Variants in PTPRK observed in about 807,000 individuals in gnomAD.
The protein encoded by PTPRK is protein tyrosine phosphatase receptor type K.
PTPRK carries 75 observed loss-of-function variants against 178.0 expected under a neutral mutation model. That is an observed-to-expected ratio of 0.42 (90% CI 0.35 to 0.51). PTPRK has a LOEUF of 0.51. Ranked by LOEUF, PTPRK falls within the 20% of genes least tolerant of loss-of-function variation. The pLI is 0.02. For missense variants in PTPRK, 1,441 were observed against 1,797.8 expected (o/e 0.80, Z 3.59); for synonymous variants, 637 against 620.6 (o/e 1.03, Z -0.39).
chr6:128,079,518 T>G (rs908174327), intron 10 of PTPRK, among the ~76,000 whole-genome samples: 2 of 152,070 alleles, frequency 1.3e-5, no homozygotes, highest in African/African-American at 4.8e-5. Context: ...AATTTATAAT[T>G]TTTTTAAATA....
At chr6:128,277,260 T>C (rs1280658685) in intron 3 of PTPRK, among the ~76,000 whole-genome samples, 1 of 152,188 alleles carries the variant, frequency 6.6e-6, no homozygotes, top group Admixed American at 6.6e-5. Context: ...CCAAGGTAAT[T>C]TGCAGAACGG....
chr6:128,399,178 G>A (rs1840712123), intron 1 of PTPRK, among the ~76,000 whole-genome samples: 1 of 152,112 alleles, frequency 6.6e-6, no homozygotes, highest in African/African-American at 2.4e-5. Context: ...AAACTCCAGT[G>A]CTGTAAATTC....
chr6:128,308,294 G>C (rs186312578), intron 3 of PTPRK, among the ~76,000 whole-genome samples: 1 of 151,904 alleles, frequency 6.6e-6, no homozygotes, highest in African/African-American at 2.4e-5. Flanking sequence ...AGGATAGAAG[G>C]AAAGTGATTA....
intron 1 of PTPRK, among the ~76,000 whole-genome samples, chr6:128,406,424 G>C (rs1479525769): frequency 1.3e-5 from 2 of 152,092 alleles, no homozygotes; most frequent in African/African-American, 4.8e-5. Context: ...ACTAAAGAAT[G>C]ATGGTTTTTT....
chr6:128,393,882 C>G (rs1839948802), intron 2 of PTPRK, among the ~76,000 whole-genome samples: 2 of 152,150 alleles, frequency 1.3e-5, no homozygotes, highest in Non-Finnish European at 2.9e-5. Context: ...CACAACTCAT[C>G]ATTGCACACA....
intron 5 of PTPRK, among the ~76,000 whole-genome samples, chr6:128,227,804 TAAAC>T (rs1220658405): frequency 2.0e-5 from 3 of 152,004 alleles, no homozygotes; most frequent in Admixed American, 6.6e-5. Context: ...AATATAAACT[TAAAC>T]AACAAAACTC....
intron 1 of PTPRK, among the ~76,000 whole-genome samples, chr6:128,422,620 T>C (rs908216681): frequency 1.6e-5 from 2 of 127,138 alleles, no homozygotes; most frequent in East Asian, 2.4e-4. Context: ...TGTTACAGCA[T>C]GGGAGAACAC....
At chr6:128,096,301 C>G (rs1179216581) in intron 7 of PTPRK, among the ~76,000 whole-genome samples, 3 of 152,060 alleles carry the variant, frequency 2.0e-5, no homozygotes, top group Non-Finnish European at 4.4e-5. Context: ...ACAACATGAA[C>G]AAAAAGAACC....
chr6:128,402,851 C>A (rs772624608), intron 1 of PTPRK, among the ~76,000 whole-genome samples: 2 of 152,094 alleles, frequency 1.3e-5, no homozygotes, highest in Non-Finnish European at 2.9e-5. Context: ...TGGTTCATTA[C>A]CAAAGAGGAT....
chr6:128,009,426 C>A (rs548849930), intron 13 of PTPRK, among the ~76,000 whole-genome samples, 158 bp from the exon 14 acceptor site: 1 of 150,682 alleles, frequency 6.6e-6, no homozygotes, highest in Non-Finnish European at 1.5e-5. Flanking sequence ...AAATACAATA[C>A]GAGATTTAGG....
intron 2 of PTPRK, among the ~76,000 whole-genome samples, chr6:128,375,350 A>T (rs1836909772): frequency 6.6e-6 from 1 of 151,868 alleles, no homozygotes; most frequent in Non-Finnish European, 1.5e-5. Context: ...GGAGCAAGTT[A>T]TGTCTTACAT....
intron 3 of PTPRK, among the ~76,000 whole-genome samples, chr6:128,282,922 TGAGATGGCTGCAGAAA>T (rs375297022): frequency 2.8e-3 from 420 of 152,196 alleles, no homozygotes; most frequent in African/African-American, 9.5e-3. Flanking sequence ...TGAAAATGAA[TGAGATGGCTGCAGAAA>T]GAGATTAGAG....
At chr6:128,322,517 G>T (rs1828944437) in intron 2 of PTPRK, among the ~76,000 whole-genome samples, 1 of 151,892 alleles carries the variant, frequency 6.6e-6, no homozygotes, top group South Asian at 2.1e-4. Flanking sequence ...TACACATTCT[G>T]TATCAATTCA....
Position 127,983,264 on chromosome 6 carries a change from C to T in PTPRK, c.3365G>A (p.Arg1122His), listed in dbSNP as rs758400881. The T allele has an allele frequency of 1.1e-5, 18 of 1,612,286 alleles. No individual in the cohort carries two copies. The highest frequency in any genetic ancestry group is 4.5e-5 in the East Asian group (2 of 44,716). ...TACCTCTGTCTGGACCATATTAATACGCCGAGATCTTAAGGCTTTGACACA... is the reference window on the plus strand; with the variant it reads ...TACCTCTGTCTGGACCATATTAATATGCCGAGATCTTAAGGCTTTGACACA... The part of the protein sequence containing the change: ...YNCVKALRSR[R>H]INMVQTEEQY... Residue 1122 changes from arginine to histidine, a missense_variant, in exon 23 of 30, where the codon CGT becomes CAT. Around this residue, in one of 4 missense-constraint regions of PTPRK, gnomAD observed 335 missense variants for 512.4 expected, o/e 0.65. Coordinates refer to ENST00000368226, the MANE Select transcript of PTPRK (RefSeq NM_002844.4).
chr6:128,337,080 G>A (rs1279603807), intron 2 of PTPRK, among the ~76,000 whole-genome samples: 1 of 152,080 alleles, frequency 6.6e-6, no homozygotes, highest in Non-Finnish European at 1.5e-5. Context: ...CCTTCTTCTT[G>A]CAAAGCTTGT....
intron 1 of PTPRK, among the ~76,000 whole-genome samples, chr6:128,509,998 T>C (rs1380587878): frequency 6.6e-6 from 1 of 152,206 alleles, no homozygotes; most frequent in South Asian, 2.1e-4. Context: ...AACTTCATCA[T>C]TTAGGACTGA....
At chr6:128,435,220 A>G (rs1845437254) in intron 1 of PTPRK, among the ~76,000 whole-genome samples, 2 of 152,168 alleles carry the variant, frequency 1.3e-5, no homozygotes, top group Admixed American at 6.5e-5. Flanking sequence ...CTCTCTTTAT[A>G]ACAAAAATCA....
At chr6:128,048,652 T>C (rs567800179) in intron 13 of PTPRK, among the ~76,000 whole-genome samples, 22 of 152,330 alleles carry the variant, frequency 1.4e-4, no homozygotes, top group African/African-American at 5.3e-4. Flanking sequence ...CCCTCTGCAT[T>C]CATGGGTTCT....
intron 3 of PTPRK, among the ~76,000 whole-genome samples, chr6:128,307,777 A>T (rs904603609): frequency 1.8e-4 from 28 of 152,300 alleles, no homozygotes; most frequent in African/African-American, 6.7e-4. Flanking sequence ...CTAATAGGAA[A>T]AATAATCTGA....
Sources: gnomAD v4.1 joint callset for allele counts (sites outside exome capture counted in the v4.1 genomes callset) on GRCh38, gnomAD v4.1.1 for gene constraint, gnomAD v4.1.1 regional missense constraint, MANE v1.5 for transcripts, NCBI Gene and HGNC (gene_info 2026-07-23, HGNC 2026-07-21) for gene names.